Variants in CEP70 observed in about 807,000 individuals in gnomAD.
CEP70 encodes the protein centrosomal protein 70.
CEP70 carries 70 observed loss-of-function variants against 90.9 expected under a neutral mutation model. The observed-to-expected ratio is 0.77, with a 90% confidence interval of 0.64 to 0.94. The LOEUF is 0.94. CEP70 is among the 40% of genes least tolerant of loss of function. The probability of loss-of-function intolerance (pLI) is 0.00; values close to 1 mark genes in which losing one functional copy is unlikely to be tolerated. For missense variants in CEP70, 648 were observed against 669.0 expected (o/e 0.97, Z 0.35); for synonymous variants, 220 against 228.3 (o/e 0.96, Z 0.33).
intron 17 of CEP70, chr3:138,496,110 C>A (rs888495052): frequency 3.0e-6 from 3 of 985,316 alleles, no homozygotes; most frequent in Admixed American, 6.1e-5. Context: ...CAGATCCCAG[C>A]CCTACTTAAG....
Position 138,582,193 on chromosome 3 carries a change from T to G in CEP70, c.-5-9261A>C, listed in dbSNP as rs143341836. On this transcript the variant is annotated intron_variant, in intron 2 of 17. Transcript: ENST00000264982. ...CACGGGTAATCAAAAGTACACAGAG[T>G]CTGGGCACAGTGGCTCATGCCTGTA... is the stretch of plus-strand genomic sequence containing the variant. 5.7e-3 allele frequency among the ~76,000 whole-genome samples: 859 copies of G among 151,950 alleles called. 7 individuals are homozygous for G. Among genetic ancestry groups the G allele is most frequent in the African/African-American group, 0.02 (827 of 41,446 alleles).
chr3:138,544,695 G>T (rs1038468147), intron 6 of CEP70, among the ~76,000 whole-genome samples: 5 of 152,084 alleles, frequency 3.3e-5, no homozygotes, highest in Non-Finnish European at 7.4e-5. Context: ...AGAAAATGTG[G>T]TATGTGTACA....
intron 2 of CEP70, among the ~76,000 whole-genome samples, chr3:138,576,870 T>G (rs1460479842): frequency 6.6e-6 from 1 of 152,054 alleles, no homozygotes; most frequent in Non-Finnish European, 1.5e-5. Context: ...AATAACAAAA[T>G]GAAGGCAGAA....
intron 6 of CEP70, among the ~76,000 whole-genome samples, chr3:138,546,113 G>A (rs1164690977): frequency 1.3e-5 from 2 of 152,130 alleles, no homozygotes; most frequent in Non-Finnish European, 2.9e-5. Flanking sequence ...TGGTTTTGCG[G>A]CTCAGGACAT....
At chr3:138,518,651 G>A (rs557819206) in intron 11 of CEP70, among the ~76,000 whole-genome samples, 1 of 152,280 alleles carries the variant, frequency 6.6e-6, no homozygotes, top group African/African-American at 2.4e-5. Context: ...CTAACAAACA[G>A]GAAGGACATC....
At chr3:138,523,287 T>C (rs1485119591) in intron 11 of CEP70, among the ~76,000 whole-genome samples, 2 of 152,166 alleles carry the variant, frequency 1.3e-5, no homozygotes, top group Non-Finnish European at 2.9e-5. Context: ...GGGCAAAAAC[T>C]GGAAGCATTC....
chr3:138,497,901 G>A, intron 17 of CEP70, 130 bp downstream of exon 17: 1 of 1,497,316 alleles, frequency 6.7e-7, no homozygotes, highest in Non-Finnish European at 8.8e-7. Flanking sequence ...TAAGGAATGT[G>A]TTTCCAGAAC....
At chr3:138,508,028 C>T (rs538249104) in intron 12 of CEP70, among the ~76,000 whole-genome samples, 1 of 151,890 alleles carries the variant, frequency 6.6e-6, no homozygotes, top group East Asian at 1.9e-4. Flanking sequence ...CTATATCACA[C>T]CATATAGAAA....
chr3:138,592,327 A>G (rs1290548726), intron 1 of CEP70, among the ~76,000 whole-genome samples: 1 of 152,174 alleles, frequency 6.6e-6, no homozygotes, highest in East Asian at 1.9e-4. Flanking sequence ...CAGGAACAAA[A>G]CTACTCCTCA....
At position 138,566,808 on chromosome 3, in the gene CEP70, T is replaced by C. The variant is rs552597186; in HGVS notation, c.465+3510A>G. 1.5e-4 allele frequency among the ~76,000 whole-genome samples: 22 copies of C among 151,142 alleles called. No individual in the cohort carries two copies. In the South Asian group the frequency reaches 4.0e-3, roughly 27 times the overall value. ...CATGTACCCCAGAACTTAAAGTATA[T>C]ATATATATATAAAAAAAAAACTTAA... On this transcript the variant is annotated intron_variant, in intron 6 of 17. Transcript: ENST00000264982.
At chr3:138,515,944 T>C (rs1187139118) in intron 11 of CEP70, among the ~76,000 whole-genome samples, 1 of 152,162 alleles carries the variant, frequency 6.6e-6, no homozygotes, top group Non-Finnish European at 1.5e-5. Flanking sequence ...CTTCTGACTC[T>C]TCCTTTTCCC....
At position 138,587,293 on chromosome 3, in the gene CEP70, A is replaced by G. The variant is rs886655000; in HGVS notation, c.-6+4561T>C. On this transcript the variant is annotated intron_variant, in intron 2 of 17. Coordinates refer to ENST00000264982, the MANE Select transcript of CEP70 (RefSeq NM_024491.4). ...GAGATTAAAAGGAAAACAATTTTAA[A>G]AAATTAAAAAGAAATGAAGAAGAAA... 3.5e-4 allele frequency among the ~76,000 whole-genome samples: 53 copies of G among 152,172 alleles called. 1 individual carries two copies. The highest frequency in any genetic ancestry group is 1.3e-3 in the African/African-American group (52 of 41,566).
intron 13 of CEP70, 102 bp from the exon 14 acceptor site, chr3:138,500,983 G>A: frequency 2.4e-6 from 1 of 409,664 alleles, no homozygotes; most frequent in South Asian, 1.2e-4. Flanking sequence ...TATATTATAT[G>A]TTTTATAAAA....
At chr3:138,584,828 A>G (rs554352981) in intron 2 of CEP70, among the ~76,000 whole-genome samples, 1 of 152,258 alleles carries the variant, frequency 6.6e-6, no homozygotes, top group South Asian at 2.1e-4. Context: ...TGTATGACAG[A>G]CCCACAGGCA....
At chr3:138,508,594 T>C (rs749589519) in intron 11 of CEP70, 50 bp from the exon 12 acceptor site, 1 of 1,123,890 alleles carries the variant, frequency 8.9e-7, no homozygotes, top group African/African-American at 1.5e-5. Flanking sequence ...TCCTAGACAC[T>C]GGACCAAGAT....
intron 11 of CEP70, among the ~76,000 whole-genome samples, chr3:138,515,722 TA>T (rs1342370338): frequency 6.6e-6 from 1 of 152,132 alleles, no homozygotes; most frequent in East Asian, 1.9e-4. Context: ...TAATGAAGAC[TA>T]TCTATCTCTA....
intron 2 of CEP70, among the ~76,000 whole-genome samples, chr3:138,578,320 G>A (rs1035217170): frequency 2.0e-5 from 3 of 151,986 alleles, no homozygotes; most frequent in Non-Finnish European, 4.4e-5. Flanking sequence ...ATCTGTGCTG[G>A]AAGAAAAAAA....
chr3:138,524,537 A>G (rs542552911), intron 11 of CEP70, among the ~76,000 whole-genome samples: 56 of 152,338 alleles, frequency 3.7e-4, no homozygotes, highest in Non-Finnish European at 7.9e-4. Context: ...AATATCCAGA[A>G]TCTACAATGA....
chr3:138,555,232 G>C (rs1409291460), intron 6 of CEP70, among the ~76,000 whole-genome samples: 1 of 136,392 alleles, frequency 7.3e-6, no homozygotes, highest in Admixed American at 7.6e-5. Flanking sequence ...CTGGGTGACA[G>C]ATTGAGACTC....
Sources: allele counts gnomAD v4.1 joint callset (sites outside exome capture counted in the v4.1 genomes callset), GRCh38; gene constraint gnomAD v4.1.1; transcripts MANE v1.5; gene names NCBI Gene and HGNC (gene_info 2026-07-23, HGNC 2026-07-21).